GRID2: variants seen among roughly 807,000 people sequenced by gnomAD.
GRID2 encodes the protein glutamate ionotropic receptor delta type subunit 2, also known as glutamate receptor ionotropic, delta-2.
Under a neutral mutation model 114.8 loss-of-function variants are expected in GRID2, and 33 were observed. The ratio of observed to expected loss-of-function variants is 0.29; its 90% CI spans 0.22 to 0.38. The LOEUF (loss-of-function observed/expected upper bound fraction) is 0.38. Ranked by LOEUF, GRID2 falls within the 10% of genes least tolerant of loss-of-function variation. GRID2 has a pLI of 1.00. For synonymous variants in GRID2, 505 were observed against 449.9 expected, an observed-to-expected ratio of 1.12 and a Z score of -1.55; for missense variants, 1,184 against 1,257.7, an observed-to-expected ratio of 0.94 and a Z score of 0.89.
intron 2 of GRID2, among the ~76,000 whole-genome samples, chr4:92,648,389 G>A (rs1397742054): frequency 6.7e-6 from 1 of 149,368 alleles, no homozygotes; most frequent in East Asian, 1.9e-4. Context: ...TGTAAAAGTA[G>A]TTACATTTCT....
chr4:92,764,327 C>A (rs1163081791), intron 2 of GRID2, among the ~76,000 whole-genome samples: 1 of 152,068 alleles, frequency 6.6e-6, no homozygotes, highest in African/African-American at 2.4e-5. Flanking sequence ...GGAAGCATCC[C>A]AAAATAGTAC....
intron 2 of GRID2, among the ~76,000 whole-genome samples, chr4:92,790,113 C>T (rs868806007): frequency 3.3e-5 from 5 of 151,514 alleles, no homozygotes; most frequent in South Asian, 4.2e-4. Context: ...TATGTATGTG[C>T]GTATGCGTGT....
chr4:92,340,681 C>T (rs905680142), intron 1 of GRID2, among the ~76,000 whole-genome samples: 8 of 152,150 alleles, frequency 5.3e-5, no homozygotes, highest in African/African-American at 1.7e-4. Context: ...CCTGTCTAGA[C>T]GCTTGCATAG....
At chr4:93,469,552 A>G (rs1433919257) in intron 11 of GRID2, among the ~76,000 whole-genome samples, 1 of 152,056 alleles carries the variant, frequency 6.6e-6, no homozygotes, top group Non-Finnish European at 1.5e-5. Context: ...CTTCACTCAC[A>G]GAAAAAAAAA....
chr4:93,671,695 G>A (rs1001345786), intron 14 of GRID2, among the ~76,000 whole-genome samples: 4 of 152,132 alleles, frequency 2.6e-5, no homozygotes, highest in Non-Finnish European at 4.4e-5. Flanking sequence ...CAGGTTGGGC[G>A]CAGTGGCTCA....
chr4:92,697,376 C>A (rs2149298203), intron 2 of GRID2, among the ~76,000 whole-genome samples: 1 of 152,240 alleles, frequency 6.6e-6, no homozygotes, highest in East Asian at 1.9e-4. Flanking sequence ...AAACACCTAA[C>A]ACATTTATTC....
At chr4:93,400,145 C>T (rs1171466630) in intron 9 of GRID2, among the ~76,000 whole-genome samples, 2 of 152,020 alleles carry the variant, frequency 1.3e-5, no homozygotes, top group African/African-American at 4.8e-5. Flanking sequence ...GATAATCTTC[C>T]TTCTGAATCA....
chr4:93,349,982 T>C (rs1434708962), intron 8 of GRID2, among the ~76,000 whole-genome samples: 1 of 152,076 alleles, frequency 6.6e-6, no homozygotes, highest in Non-Finnish European at 1.5e-5. Flanking sequence ...TAATCTGATA[T>C]ATGGTGACTT....
intron 2 of GRID2, among the ~76,000 whole-genome samples, chr4:92,749,376 G>A (rs547310284): frequency 9.2e-4 from 131 of 143,142 alleles, no homozygotes; most frequent in Non-Finnish European, 1.4e-3. Flanking sequence ...GTGCAGTGGC[G>A]CGATCTCAGC....
intron 2 of GRID2, among the ~76,000 whole-genome samples, chr4:92,848,072 TTG>T (rs1434638194): frequency 6.6e-6 from 1 of 151,998 alleles, no homozygotes; most frequent in African/African-American, 2.4e-5. Context: ...TACATCTATA[TTG>T]TGTCTGAATG....
At chr4:93,135,532 C>T (rs1407159054) in intron 4 of GRID2, among the ~76,000 whole-genome samples, 1 of 152,120 alleles carries the variant, frequency 6.6e-6, no homozygotes, top group Non-Finnish European at 1.5e-5. Flanking sequence ...ATGCTAATGA[C>T]TGCTATGACT....
chr4:93,437,764 C>T (rs2149387756), intron 10 of GRID2, among the ~76,000 whole-genome samples: 1 of 152,206 alleles, frequency 6.6e-6, no homozygotes, highest in East Asian at 1.9e-4. Flanking sequence ...GCCTAGACTG[C>T]CTGTACTCAC....
chr4:92,415,234 CAG>C (rs1731537437), intron 1 of GRID2, among the ~76,000 whole-genome samples: 2 of 151,990 alleles, frequency 1.3e-5, no homozygotes, highest in Admixed American at 1.3e-4. Context: ...TTACCACTGA[CAG>C]ATTACTTTTA....
chr4:93,074,882 C>T (rs1168549554), intron 2 of GRID2, among the ~76,000 whole-genome samples: 1 of 152,036 alleles, frequency 6.6e-6, no homozygotes, highest in African/African-American at 2.4e-5. Flanking sequence ...ATGAAGAAGG[C>T]AAATTCCTTG....
intron 13 of GRID2, among the ~76,000 whole-genome samples, chr4:93,566,916 G>A (rs1390986621): frequency 6.6e-6 from 1 of 152,038 alleles, no homozygotes; most frequent in South Asian, 2.1e-4. Context: ...AACTTTCAAG[G>A]TTAGACCAGG....
chr4:92,635,365 T>C (rs995520002), intron 2 of GRID2, among the ~76,000 whole-genome samples: 4 of 152,124 alleles, frequency 2.6e-5, no homozygotes, highest in Admixed American at 6.6e-5. Flanking sequence ...AACTTAGATA[T>C]ATTTGCTGTA....
chr4:93,012,081 G>GAAA (rs34374242), intron 2 of GRID2, among the ~76,000 whole-genome samples: 42 of 125,430 alleles, frequency 3.3e-4, no homozygotes, highest in Middle Eastern at 3.9e-3. Flanking sequence ...TTATCAGGCT[G>GAAA]AAAAAAAAAA....
intron 8 of GRID2, among the ~76,000 whole-genome samples, chr4:93,294,516 GAT>G (rs1754085365): frequency 6.6e-6 from 1 of 152,056 alleles, no homozygotes; most frequent in Non-Finnish European, 1.5e-5. Context: ...AAACATCTAG[GAT>G]ATTAATGCAA....
At chr4:92,541,467 T>G (rs1192571578) in intron 1 of GRID2, among the ~76,000 whole-genome samples, 2 of 149,826 alleles carry the variant, frequency 1.3e-5, no homozygotes, top group Non-Finnish European at 3.0e-5. Flanking sequence ...ACCATATTAA[T>G]CTTATCTCAA....
Sources: gnomAD v4.1 joint callset for allele counts (sites outside exome capture counted in the v4.1 genomes callset) on GRCh38, gnomAD v4.1.1 for gene constraint, MANE v1.5 for transcripts, NCBI Gene and HGNC (gene_info 2026-07-23, HGNC 2026-07-21) for gene names.